Variants in MGAM observed in about 807,000 individuals in gnomAD.
The protein encoded by MGAM is maltase-glucoamylase, also known as alpha-1,4-glucosidase.
MGAM carries 253 observed loss-of-function variants against 358.8 expected under a neutral mutation model. The observed-to-expected ratio is 0.71, with a 90% CI of 0.64 to 0.78. The LOEUF is 0.78. MGAM is among the 30% of genes least tolerant of loss of function. MGAM has a pLI of 0.00. For missense variants in MGAM, 3,080 were observed against 3,432.6 expected (o/e 0.90, Z 2.57); for synonymous variants, 1,105 against 1,227.1 (o/e 0.90, Z 2.08).
chr7:141,989,491 A>G (rs1441634992), intron 2 of MGAM, among the ~76,000 whole-genome samples: 1 of 152,010 alleles, frequency 6.6e-6, no homozygotes, highest in African/African-American at 2.4e-5. Context: ...GCAGAAAGTA[A>G]GTAGAGGACC....
At chr7:142,043,381 TA>T (rs1809327747) in intron 21 of MGAM, among the ~76,000 whole-genome samples, 1 of 11,154 alleles carries the variant, frequency 9.0e-5, no homozygotes, top group Non-Finnish European at 2.4e-4. Flanking sequence ...CTAAATATAA[TA>T]TCTATATTAT....
intron 3 of MGAM, among the ~76,000 whole-genome samples, chr7:142,012,899 A>AACT (rs1338794439): frequency 6.6e-6 from 1 of 152,082 alleles, no homozygotes; most frequent in African/African-American, 2.4e-5. Flanking sequence ...AGGGTAGCTG[A>AACT]ACTTCTTACA....
rs774980330 is a variant in MGAM at position 142,094,424 on chromosome 7, T to C, written c.7233T>C (p.Ser2411=). ...TCATCACCCGCTCCACATTTCCCTCTTCTGGCCGCTGGGCAGGACATTGGC... is the reference window on the plus strand; with the variant it reads ...TCATCACCCGCTCCACATTTCCCTCCTCTGGCCGCTGGGCAGGACATTGGC... ...GVVITRSTFP[S]SGRWAGHWLG... The change falls in exon 61 of 71, where the codon TCT becomes TCC. Residue 2411 remains serine (S), a synonymous_variant. Coordinates refer to ENST00000475668, the MANE Select transcript of MGAM (RefSeq NM_001365693.1). 6 of 1,535,002 alleles carry C rather than the reference T, an allele frequency of 3.9e-6. No individual in the cohort carries two copies. The Admixed American group carries it at 9.0e-5, about 23-fold the overall frequency.
At chr7:142,100,653 T>C (rs887218766) in intron 67 of MGAM, 149 bp from the exon 68 acceptor site, 3 of 718,568 alleles carry the variant, frequency 4.2e-6, no homozygotes, top group Non-Finnish European at 7.5e-6. Flanking sequence ...GAGACAGAAT[T>C]AGAACTAAGA....
At position 142,099,600 on chromosome 7, in the gene MGAM, C is replaced by T. The variant is rs748652071; in HGVS notation, c.7750-13C>T. On this transcript the variant is annotated splice_polypyrimidine_tract_variant and intron_variant, in intron 66 of 70. Transcript: ENST00000475668. ...CCTCTCCTTAGTCATCTCTTACCTT[C>T]TTCTGCCTCCAGGGTGTGGATATTA... The T allele has an allele frequency of 1.2e-6, 2 of 1,613,800 alleles. No homozygotes were observed. The highest frequency in any genetic ancestry group is 2.2e-5 in the East Asian group (1 of 44,868).
In MGAM at chr7:142,076,647, A is replaced by G; in HGVS notation, c.5326-12A>G. ...ATACCTTTATGCATAATTGGAGTTA[A>G]TTGTTTTGCAGAACCACTTGGAGGT... On this transcript the variant is annotated splice_polypyrimidine_tract_variant and intron_variant, in intron 46 of 70. Transcript: ENST00000475668. 1 of 1,521,790 alleles carries G rather than the reference A, an allele frequency of 6.6e-7. No individual in the cohort carries two copies. The highest frequency in any genetic ancestry group is 9.0e-7 in the Non-Finnish European group (1 of 1,105,252). 94.3% of individuals were successfully genotyped at this position (1,521,790 alleles called of 1,614,324 possible). A position where few individuals can be genotyped will look rare whatever the true frequency, so the allele number is the denominator to read the frequency against.
At position 142,028,648 on chromosome 7, in the gene MGAM, A is replaced by AT. The variant is rs1807182752; in HGVS notation, c.1221+917dup. Among the ~76,000 whole-genome samples the AT allele has an allele frequency of 2.0e-5, 3 of 152,298 alleles. No homozygotes were observed. The South Asian group carries it at 6.2e-4, about 32-fold the overall frequency. On this transcript the variant is annotated intron_variant, in intron 10 of 70. Transcript: ENST00000475668. ...ATTTGCCTTTCTCTTTAGAGTGGTC[A>AT]TTTTGCCATTGAAGCTGAGCTTCAG...
chr7:142,071,119 G>T lies in MGAM; in HGVS notation c.5186+1G>T. 6.4e-7 allele frequency: 1 copy of T among 1,551,862 alleles called. No homozygotes were observed. Among genetic ancestry groups the T allele is most frequent in the East Asian group, 2.3e-5 (1 of 43,882 alleles). ...AGCCTGCACTGAACACCCACTTAAG[G>T]TGAATGACAGGACTCAGGTTTTCCT... On this transcript the variant is annotated splice_donor_variant, in intron 44 of 70. Transcript: ENST00000475668. LOFTEE classifies it high-confidence loss of function.
chr7:142,081,722 A>G (rs1018970467), intron 50 of MGAM, among the ~76,000 whole-genome samples: 4 of 145,532 alleles, frequency 2.7e-5, no homozygotes, highest in African/African-American at 9.8e-5. Context: ...TGCTACGTAG[A>G]AAATGCGCTG....
chr7:142,027,264 C>A, intron 9 of MGAM, 37 bp downstream of exon 9: 2 of 1,466,888 alleles, frequency 1.4e-6, no homozygotes, highest in Non-Finnish European at 1.9e-6. Flanking sequence ...CTCAGGAAAT[C>A]CTAAACAGCA....
At chr7:142,036,738 T>A in intron 17 of MGAM, 85 bp from the exon 18 acceptor site, 1 of 1,413,376 alleles carries the variant, frequency 7.1e-7, no homozygotes, top group South Asian at 1.3e-5. Flanking sequence ...AAATTCTTGG[T>A]TGTAATGAAT....
chr7:142,074,011 A>T, intron 44 of MGAM, 74 bp from the exon 45 acceptor site: 1 of 1,059,260 alleles, frequency 9.4e-7, no homozygotes, highest in Non-Finnish European at 1.4e-6. Context: ...TTGAAATTTG[A>T]TGGAAATATT....
Position 142,080,740 on chromosome 7 carries a change from A to G in MGAM, c.5848-51A>G. On this transcript the variant is annotated intron_variant, in intron 49 of 70. Transcript: ENST00000475668. ...AAATCAAAAAGGTTCTGCTAAGGGTATAGGTTTCAAGAGTAGTATTCTTGC... is the reference window on the plus strand; with the variant it reads ...AAATCAAAAAGGTTCTGCTAAGGGTGTAGGTTTCAAGAGTAGTATTCTTGC... 16 of 1,464,670 alleles carry G rather than the reference A, an allele frequency of 1.1e-5. 2 individuals are homozygous for G. Among genetic ancestry groups the G allele is most frequent in the Non-Finnish European group, 1.5e-5 (16 of 1,065,244 alleles). 90.7% of individuals were successfully genotyped at this position (1,464,670 alleles called of 1,614,324 possible).
rs111713460 is a variant in MGAM at position 142,050,349 on chromosome 7, T to C, written c.2637+65T>C. 1,264 of 1,512,258 alleles carry C rather than the reference T, an allele frequency of 8.4e-4. 8 individuals are homozygous for C. In the African/African-American group the frequency reaches 0.015, roughly 18 times the overall value. 93.7% of individuals were successfully genotyped at this position (1,512,258 alleles called of 1,614,324 possible). A position where few individuals can be genotyped will look rare whatever the true frequency, so the allele number is the denominator to read the frequency against. On this transcript the variant is annotated intron_variant, in intron 23 of 70. Transcript: ENST00000475668. ...GGACTGACCATTAGCACATCTGTGC[T>C]TGTGTATATTGTATATGTGTGATTA...
chr7:142,083,795 T>TG (rs1246185126), intron 53 of MGAM, among the ~76,000 whole-genome samples: 4 of 143,262 alleles, frequency 2.8e-5, no homozygotes, highest in Non-Finnish European at 6.3e-5. Flanking sequence ...ATGATAGTGG[T>TG]GGGGGTGGTG....
chr7:142,000,690 G>A (rs750424704), intron 1 of MGAM, among the ~76,000 whole-genome samples: 6 of 151,994 alleles, frequency 3.9e-5, no homozygotes, highest in South Asian at 2.1e-4. Context: ...TTGCTATTAC[G>A]TGTAATACTG....
intron 47 of MGAM, 125 bp downstream of exon 47, chr7:142,076,951 T>G: frequency 9.0e-7 from 1 of 1,108,890 alleles, no homozygotes; most frequent in Non-Finnish European, 1.3e-6. Flanking sequence ...TTTGGGGAAT[T>G]GAGAGGGCAC....
intron 1 of MGAM, among the ~76,000 whole-genome samples, chr7:141,996,157 G>A (rs561141937): frequency 4.6e-5 from 7 of 151,874 alleles, no homozygotes; most frequent in South Asian, 2.1e-4. Flanking sequence ...AAAATTAGCC[G>A]GGCATGGTGG....
intron 7 of MGAM, among the ~76,000 whole-genome samples, chr7:142,022,989 T>C (rs1464388650): frequency 2.0e-5 from 3 of 152,184 alleles, no homozygotes; most frequent in African/African-American, 7.2e-5. Flanking sequence ...TTGTTTTGAC[T>C]GCTAAAATTT....
Sources: gnomAD v4.1 joint callset for allele counts (sites outside exome capture counted in the v4.1 genomes callset) on GRCh38, gnomAD v4.1.1 for gene constraint, MANE v1.5 for transcripts, NCBI Gene and HGNC (gene_info 2026-07-23, HGNC 2026-07-21) for gene names.